Variants in LRRC4C observed in about 807,000 individuals in gnomAD.
The protein encoded by LRRC4C is leucine rich repeat containing 4C, also known as leucine-rich repeat-containing protein 4C.
In LRRC4C, 5 loss-of-function variants were observed where a neutral mutation model predicts 33.6. The observed-to-expected ratio is 0.15, with a 90% CI of 0.08 to 0.31. LRRC4C has a LOEUF of 0.31. LRRC4C is among the 10% of genes least tolerant of loss of function. The probability of loss-of-function intolerance (pLI) is 1.00; values close to 1 mark genes in which losing one functional copy is unlikely to be tolerated. For synonymous variants in LRRC4C, 329 were observed against 302.0 expected, an observed-to-expected ratio of 1.09 and a Z score of -0.93; for missense variants, 560 against 796.7, an observed-to-expected ratio of 0.70 and a Z score of 3.58.
intron 2 of LRRC4C, among the ~76,000 whole-genome samples, chr11:40,905,546 C>G (rs1956379189): frequency 6.6e-6 from 1 of 152,200 alleles, no homozygotes; most frequent in African/African-American, 2.4e-5. Context: ...CAGGCAGAAA[C>G]TACACGTTCC....
intron 2 of LRRC4C, among the ~76,000 whole-genome samples, chr11:40,832,077 C>T (rs1425130383): frequency 1.3e-5 from 2 of 152,180 alleles, no homozygotes; most frequent in South Asian, 2.1e-4. Flanking sequence ...CTTACACAAA[C>T]TTAGTTGGCA....
intron 5 of LRRC4C, among the ~76,000 whole-genome samples, chr11:40,161,264 A>G (rs979089520): frequency 6.6e-6 from 1 of 152,190 alleles, no homozygotes; most frequent in African/African-American, 2.4e-5. Flanking sequence ...CTCTCTGGCC[A>G]TGCTTTACAT....
chr11:40,945,464 C>A (rs960902388), intron 1 of LRRC4C, among the ~76,000 whole-genome samples: 1 of 152,138 alleles, frequency 6.6e-6, no homozygotes, highest in Non-Finnish European at 1.5e-5. Flanking sequence ...CATTTAAATA[C>A]ACTGTCTATA....
At chr11:41,307,294 C>G (rs1042259553) in intron 1 of LRRC4C, among the ~76,000 whole-genome samples, 1 of 152,074 alleles carries the variant, frequency 6.6e-6, no homozygotes, top group Non-Finnish European at 1.5e-5. Context: ...AAGACGATTC[C>G]TCCTTCAATC....
chr11:41,013,448 T>C (rs998837646), intron 1 of LRRC4C, among the ~76,000 whole-genome samples: 3 of 152,192 alleles, frequency 2.0e-5, no homozygotes. Context: ...TATGAATACA[T>C]AGACATCTTT....
chr11:40,638,768 G>A (rs1270607286), intron 3 of LRRC4C, among the ~76,000 whole-genome samples: 1 of 121,686 alleles, frequency 8.2e-6, no homozygotes, highest in African/African-American at 2.9e-5. Context: ...TCAATTGGTC[G>A]AGTTTTTTTT....
At chr11:41,050,438 T>C (rs1339440760) in intron 1 of LRRC4C, among the ~76,000 whole-genome samples, 1 of 152,036 alleles carries the variant, frequency 6.6e-6, no homozygotes, top group Middle Eastern at 3.2e-3. Context: ...ATGATCTCCC[T>C]CCCCTTGCCC....
intron 1 of LRRC4C, among the ~76,000 whole-genome samples, chr11:41,164,130 C>A (rs573974407): frequency 6.6e-6 from 1 of 151,202 alleles, no homozygotes; most frequent in Non-Finnish European, 1.5e-5. Flanking sequence ...CACAGTTTCA[C>A]TGTACAAAGA....
At chr11:40,897,654 A>G (rs919213134) in intron 2 of LRRC4C, among the ~76,000 whole-genome samples, 1 of 152,238 alleles carries the variant, frequency 6.6e-6, no homozygotes, top group Non-Finnish European at 1.5e-5. Context: ...GCATGGGATG[A>G]CAGAAGAAGG....
intron 1 of LRRC4C, among the ~76,000 whole-genome samples, chr11:41,358,575 G>A (rs1267409792): frequency 6.6e-6 from 1 of 152,088 alleles, no homozygotes; most frequent in Non-Finnish European, 1.5e-5. Flanking sequence ...TGAGCCAAAG[G>A]CCTTAACAGA....
At chr11:40,371,720 T>C (rs778422437) in intron 3 of LRRC4C, among the ~76,000 whole-genome samples, 4 of 152,134 alleles carry the variant, frequency 2.6e-5, no homozygotes, top group Non-Finnish European at 4.4e-5. Flanking sequence ...GAGAGATTCA[T>C]AGAGAAATGT....
intron 1 of LRRC4C, among the ~76,000 whole-genome samples, chr11:41,249,036 C>CTTTTTTTTTTTTTTTTTTTTTTTTTTT (rs554360740): frequency 6.7e-6 from 1 of 148,984 alleles, no homozygotes. Context: ...AAGATACTGT[C>CTTTTTTTTTTTTTTTTTTTTTTTTTTT]TTCTTTTTTT....
At chr11:40,924,106 G>GTC (rs756740418) in intron 2 of LRRC4C, among the ~76,000 whole-genome samples, 61 of 126,272 alleles carry the variant, frequency 4.8e-4, no homozygotes, top group Middle Eastern at 3.9e-3. Flanking sequence ...GTGTATGTGT[G>GTC]TGTGTGTGTG....
chr11:41,043,613 A>G (rs949963485), intron 1 of LRRC4C, among the ~76,000 whole-genome samples: 2 of 147,990 alleles, frequency 1.4e-5, no homozygotes, highest in African/African-American at 4.9e-5. Flanking sequence ...AATTACTCTT[A>G]CTCTTAAACA....
At chr11:41,118,141 T>C (rs367547471) in intron 1 of LRRC4C, among the ~76,000 whole-genome samples, 15 of 152,310 alleles carry the variant, frequency 9.8e-5, no homozygotes, top group South Asian at 6.2e-4. Flanking sequence ...AAGAATTGTA[T>C]AGAAATTCCA....
In LRRC4C at chr11:40,136,330, G is replaced by A. The variant is rs992232565; in HGVS notation, c.-43+4471C>T. The stretch of plus-strand genomic sequence containing the variant: ...CGCCCAGGCTGGAGTGCAGTGGCGC[G>A]ATCTCGGCTCACTGCAAGCTCTGCC... On this transcript the variant is annotated intron_variant, in intron 6 of 6. Coordinates refer to ENST00000528697, the MANE Select transcript of LRRC4C (RefSeq NM_001258419.2). Among the ~76,000 whole-genome samples the A allele has an allele frequency of 7.9e-5, 12 of 151,854 alleles. No homozygotes were observed. The East Asian group carries it at 2.3e-3, about 30-fold the overall frequency.
At chr11:41,104,163 G>T (rs900994115) in intron 1 of LRRC4C, among the ~76,000 whole-genome samples, 2 of 151,856 alleles carry the variant, frequency 1.3e-5, no homozygotes, top group Non-Finnish European at 2.9e-5. Context: ...TTAAGAAAAT[G>T]AAAGGTTGGC....
Position 40,178,888 on chromosome 11 carries a change from G to A in LRRC4C, c.-95-38035C>T, listed in dbSNP as rs779869912. On this transcript the variant is annotated intron_variant, in intron 5 of 6. Coordinates refer to ENST00000528697, the MANE Select transcript of LRRC4C (RefSeq NM_001258419.2). ...CCTTCCTCTGTCTCTTCAGGCCTAG[G>A]ACTAGTGATAGCTAGCTCTTCTCTT... 2.2e-4 allele frequency among the ~76,000 whole-genome samples: 34 copies of A among 152,138 alleles called. 1 individual carries two copies. Among genetic ancestry groups the A allele is most frequent in the Non-Finnish European group, 3.2e-4 (22 of 68,036 alleles).
intron 1 of LRRC4C, among the ~76,000 whole-genome samples, chr11:41,409,406 T>C (rs1057302897): frequency 2.0e-5 from 3 of 152,238 alleles, no homozygotes; most frequent in African/African-American, 2.4e-5. Context: ...GAAAGTGTGT[T>C]AAGTTGCTTA....
Sources: allele counts gnomAD v4.1 joint callset (sites outside exome capture counted in the v4.1 genomes callset), GRCh38; gene constraint gnomAD v4.1.1; transcripts MANE v1.5; gene names NCBI Gene and HGNC (gene_info 2026-07-23, HGNC 2026-07-21).